Variants in GHRL observed in about 807,000 individuals in gnomAD.
GHRL encodes appetite-regulating hormone.
Under a neutral mutation model 16.9 loss-of-function variants are expected in GHRL, and 24 were observed. The observed-to-expected ratio is 1.42, with a 90% confidence interval of 1.03 to 2.00. The LOEUF (loss-of-function observed/expected upper bound fraction) is 2.00. Among genes scored for constraint, GHRL ranks in the 30% most tolerant of loss-of-function variants. The pLI is 0.00. For synonymous variants in GHRL, 63 were observed against 58.2 expected, an observed-to-expected ratio of 1.08 and a Z score of -0.37; for missense variants, 193 against 142.1, an observed-to-expected ratio of 1.36 and a Z score of -1.82.
intron 2 of GHRL, 130 bp from the exon 3 acceptor site, chr3:10,290,339 C>A: frequency 2.4e-6 from 2 of 818,190 alleles, no homozygotes; most frequent in South Asian, 1.8e-5. Context: ...GTAGAGAGGA[C>A]CCCCGCTTCC....
intron 3 of GHRL, 39 bp downstream of exon 3, chr3:10,290,034 G>A (rs999458603): frequency 6.2e-7 from 1 of 1,607,570 alleles, no homozygotes; most frequent in African/African-American, 1.3e-5. Flanking sequence ...TAAGTGGCAG[G>A]GCTGGAACAA....
intron 4 of GHRL, chr3:10,287,019 G>T: frequency 2.0e-6 from 1 of 508,086 alleles, no homozygotes; most frequent in Non-Finnish European, 3.6e-6. Context: ...CCATCTTTCA[G>T]ACACTTACCT....
At chr3:10,285,954 C>T (rs1698998157) in intron 5 of GHRL, 60 bp from the exon 6 acceptor site, 3 of 1,491,174 alleles carry the variant, frequency 2.0e-6, no homozygotes, top group Admixed American at 1.7e-5. Context: ...TGCTTTTCTT[C>T]CACGGTGGTG....
chr3:10,290,361 T>G (rs1699807992), intron 2 of GHRL, 152 bp from the exon 3 acceptor site: 1 of 674,590 alleles, frequency 1.5e-6, no homozygotes, highest in Admixed American at 2.9e-5. Context: ...CCTCCCAAGG[T>G]AGAAGATGAT....
chr3:10,285,824 C>T lies in GHRL; in HGVS notation c.*51G>A. 1 of 1,539,154 alleles carries T rather than the reference C, an allele frequency of 6.5e-7. No individual in the cohort carries two copies. Among genetic ancestry groups the T allele is most frequent in the Non-Finnish European group, 9.0e-7 (1 of 1,112,100 alleles). ...AGTTGCTGCAGAAGCAAGCGAAAAG[C>T]CAGATGAGCGCTTCTAAACTTAGAG... On this transcript the variant is annotated 3_prime_UTR_variant, in exon 6 of 6. Coordinates refer to ENST00000335542, the MANE Select transcript of GHRL (RefSeq NM_016362.5).
At position 10,291,307 on chromosome 3, in the gene GHRL, G is replaced by A. The variant is rs1699980212; in HGVS notation, c.-621C>T. ...GTGGGTGTGGGGATAACTTCAGCCA[G>A]TGGCTATGCTTCAGTCATTTCTGCC... On this transcript the variant is annotated 5_prime_UTR_variant, in exon 2 of 6. Transcript: ENST00000335542. 1.0e-6 allele frequency: 1 copy of A among 985,392 alleles called. No individual in the cohort carries two copies. The highest frequency in any genetic ancestry group is 1.2e-6 in the Non-Finnish European group (1 of 829,978). 61.0% of individuals were successfully genotyped at this position (985,392 alleles called of 1,614,324 possible). A position where few individuals can be genotyped will look rare whatever the true frequency, so the allele number is the denominator to read the frequency against.
At chr3:10,286,845 G>T (rs778687742) in intron 4 of GHRL, 33 bp from the exon 5 acceptor site, 2 of 1,272,918 alleles carry the variant, frequency 1.6e-6, no homozygotes, top group South Asian at 1.2e-5. Flanking sequence ...CCCAGGAGAT[G>T]TCAGAGGTCA....
At position 10,286,740 on chromosome 3, in the gene GHRL, TCC is replaced by T. The variant is rs751668966; in HGVS notation, c.296_297del (p.Gly99GlufsTer63). On this transcript the variant is annotated frameshift_variant, in exon 5 of 6. Transcript: ENST00000335542. LOFTEE classifies it high-confidence loss of function. ...TCCCAGAGGATGTCCTGAAGAAACTTCCCCAGGGCCTGGCTGTGCTGCTGGTA... is the reference window on the plus strand; with the variant it reads ...TCCCAGAGGATGTCCTGAAGAAACTTCCAGGGCCTGGCTGTGCTGCTGGTA... ...VQYQQHSQAL[G>X]KFLQDILWEE... 3.1e-6 allele frequency: 5 copies of T among 1,612,260 alleles called. No individual in the cohort carries two copies. In the South Asian group the frequency reaches 5.5e-5, roughly 18 times the overall value.
chr3:10,291,914 G>A (rs1170869004), intron 1 of GHRL, among the ~76,000 whole-genome samples: 2 of 152,054 alleles, frequency 1.3e-5, no homozygotes, highest in African/African-American at 2.4e-5. Context: ...AGGTGAAGGC[G>A]TGGGTAGAGT....
rs542727187 is a variant in GHRL, at chr3:10,286,148, C to T, written c.335-254G>A. 3.3e-5 allele frequency among the ~76,000 whole-genome samples: 5 copies of T among 152,324 alleles called. No individual in the cohort carries two copies. In the South Asian group the frequency reaches 1.0e-3, roughly 32 times the overall value. ...GCTGTTCCCCAGGGGTGACGGGTCA[C>T]CGCCTTGGTGAGGACAGTGCTTTGC... On this transcript the variant is annotated intron_variant, in intron 5 of 5. Coordinates refer to ENST00000335542, the MANE Select transcript of GHRL (RefSeq NM_016362.5).
At chr3:10,292,107 TAGAA>T (rs1304161012) in intron 1 of GHRL, 1 of 152,040 alleles carries the variant, frequency 6.6e-6, no homozygotes, top group Non-Finnish European at 1.5e-5. Context: ...AGAGAGACCA[TAGAA>T]TGAATGAAAG....
intron 2 of GHRL, chr3:10,290,483 T>TG: frequency 2.8e-6 from 1 of 358,364 alleles, no homozygotes; most frequent in Non-Finnish European, 5.3e-6. Flanking sequence ...TGAGAGCTCA[T>TG]GGCGAGTCTT....
intron 2 of GHRL, 48 bp downstream of exon 2, chr3:10,290,668 G>C (rs1699871583): frequency 1.0e-6 from 1 of 971,316 alleles, no homozygotes; most frequent in South Asian, 4.6e-5. Flanking sequence ...AGCAGTCACG[G>C]ACAATAAACC....
rs113751742 is a variant in GHRL, at chr3:10,289,810, C to T, written c.177G>A (p.Pro59=). 1.6e-4 allele frequency: 265 copies of T among 1,613,738 alleles called. No homozygotes were observed. The Middle Eastern group carries it at 2.6e-3, about 16-fold the overall frequency. The part of the protein sequence containing the change: ...QPRALAGWLR[P]EDGGQAEGAE... ...CCCCTTCTGCTTGACCTCCATCTTC[C>T]GGGCGGAGCCAGCCTGCTAGAGCTC... Residue 59 remains proline, a synonymous_variant, in exon 4 of 6, where the codon CCG becomes CCA. Transcript: ENST00000335542.
intron 1 of GHRL, chr3:10,292,206 C>G (rs1243991809): frequency 6.6e-6 from 1 of 152,246 alleles, no homozygotes; most frequent in Admixed American, 6.5e-5. Context: ...CCTCACTTTC[C>G]CCAAAGCTAT....
intron 4 of GHRL, 37 bp downstream of exon 4, chr3:10,289,725 C>T (rs766689259): frequency 7.0e-5 from 92 of 1,308,960 alleles, no homozygotes; most frequent in African/African-American, 2.7e-4. Flanking sequence ...CCACCCTCCT[C>T]GCTGCCACAG....
intron 3 of GHRL, 23 bp downstream of exon 3, chr3:10,290,050 G>A: frequency 6.2e-7 from 1 of 1,609,432 alleles, no homozygotes; most frequent in Non-Finnish European, 8.5e-7. Flanking sequence ...AACAACATGT[G>A]GGGCTTTGTG....
chr3:10,289,864 C>T lies in GHRL; in HGVS notation c.123G>A (p.Ser41=), dbSNP rs146899970. 580 of 1,612,696 alleles carry T rather than the reference C, an allele frequency of 3.6e-4. 1 individual carries two copies. The highest frequency in any genetic ancestry group is 1.1e-3 in the East Asian group (50 of 44,854). The change falls in exon 4 of 6, where the codon TCG becomes TCA. Residue 41 remains serine (S), a synonymous_variant. Transcript: ENST00000335542. ...EHQRVQQRKE[S]KKPPAKLQPR... ...GCTGCAGCTTGGCTGGTGGCTTCTTCGACTCCTTTCTCTGCTGGAAGGGGG... is the reference window on the plus strand; with the variant it reads ...GCTGCAGCTTGGCTGGTGGCTTCTTTGACTCCTTTCTCTGCTGGAAGGGGG...
intron 1 of GHRL, 32 bp from the exon 2 acceptor site, chr3:10,291,483 C>T: frequency 2.0e-6 from 2 of 984,990 alleles, no homozygotes; most frequent in Non-Finnish European, 2.4e-6. Flanking sequence ...TTAGCACGGG[C>T]CTGGCTCCTC....
Sources: allele counts gnomAD v4.1 joint callset (sites outside exome capture counted in the v4.1 genomes callset), GRCh38; gene constraint gnomAD v4.1.1; transcripts MANE v1.5; gene names NCBI Gene and HGNC (gene_info 2026-07-23, HGNC 2026-07-21).